SLX4IP: variants seen among roughly 807,000 people sequenced by gnomAD.
SLX4IP encodes protein SLX4IP.
In SLX4IP, 34 loss-of-function variants were observed where a neutral mutation model predicts 32.9. That is an observed-to-expected ratio of 1.03 (90% CI 0.79 to 1.38). The LOEUF (loss-of-function observed/expected upper bound fraction) is 1.38. Among genes scored for constraint, SLX4IP ranks in the 40% most tolerant of loss-of-function variants. SLX4IP has a pLI of 0.00. For synonymous variants in SLX4IP, 172 were observed against 171.7 expected, an observed-to-expected ratio of 1.00 and a Z score of -0.01; for missense variants, 444 against 479.0, an observed-to-expected ratio of 0.93 and a Z score of 0.68.
In SLX4IP at chr20:10,473,904, C is replaced by G. The variant is rs1421936771; in HGVS notation, c.27+15673C>G. On this transcript the variant is annotated intron_variant, in intron 2 of 7. Coordinates refer to ENST00000334534, the MANE Select transcript of SLX4IP (RefSeq NM_001009608.3). Reference sequence around the variant, plus strand: ...GTGGCGTGATCTTGGCTCACTGCAACCTCCGCCTCATGGGTTCAGGCGATT... The same window carrying G: ...GTGGCGTGATCTTGGCTCACTGCAAGCTCCGCCTCATGGGTTCAGGCGATT... Among the ~76,000 whole-genome samples the G allele has an allele frequency of 1.1e-4, 16 of 152,024 alleles. No homozygotes were observed. In the East Asian group the frequency reaches 2.9e-3, roughly 28 times the overall value.
intron 2 of SLX4IP, among the ~76,000 whole-genome samples, chr20:10,502,695 A>C (rs543664636): frequency 1.3e-5 from 2 of 151,598 alleles, no homozygotes; most frequent in East Asian, 3.9e-4. Flanking sequence ...CCCCCTCCCC[A>C]AAATTTTCTG....
chr20:10,496,153 AT>A (rs550074941), intron 2 of SLX4IP, among the ~76,000 whole-genome samples: 409 of 151,216 alleles, frequency 2.7e-3, no homozygotes, highest in Non-Finnish European at 3.6e-3. Context: ...AAATTATTTT[AT>A]TTTTGTAATT....
rs148703008 is a variant in SLX4IP at position 10,532,810 on chromosome 20, C to T, written c.28-23421C>T. 3.6e-4 allele frequency among the ~76,000 whole-genome samples: 55 copies of T among 150,704 alleles called. No individual in the cohort carries two copies. The East Asian group carries it at 0.011, about 29-fold the overall frequency. ...TTTTTTTTTGAAATAGAGTCTCACT[C>T]TGTCACCCGGGCTGGAGTGCAGTAG... On this transcript the variant is annotated intron_variant, in intron 2 of 7. Coordinates refer to ENST00000334534, the MANE Select transcript of SLX4IP (RefSeq NM_001009608.3).
At chr20:10,464,916 C>T (rs993089212) in intron 2 of SLX4IP, among the ~76,000 whole-genome samples, 4 of 152,170 alleles carry the variant, frequency 2.6e-5, no homozygotes, top group Admixed American at 1.3e-4. Context: ...TGGCCTCCTA[C>T]GTAGCTGGGA....
At chr20:10,582,558 A>G (rs1203692378) in intron 4 of SLX4IP, among the ~76,000 whole-genome samples, 2 of 152,124 alleles carry the variant, frequency 1.3e-5, no homozygotes, top group Admixed American at 6.6e-5. Flanking sequence ...AGTCTGCAAG[A>G]TGTGTGTGTA....
chr20:10,575,007 C>G (rs2066509726), intron 4 of SLX4IP, among the ~76,000 whole-genome samples: 1 of 151,998 alleles, frequency 6.6e-6, no homozygotes, highest in South Asian at 2.1e-4. Flanking sequence ...TTCCAGTTAG[C>G]TCAGAGCCCT....
chr20:10,542,126 G>GT (rs767925995), intron 2 of SLX4IP, among the ~76,000 whole-genome samples: 48 of 152,210 alleles, frequency 3.2e-4, no homozygotes, highest in Admixed American at 1.0e-3. Flanking sequence ...TTCCTGTGTA[G>GT]TTTTCATCAC....
chr20:10,516,720 A>G (rs541365637), intron 2 of SLX4IP, among the ~76,000 whole-genome samples: 1 of 152,228 alleles, frequency 6.6e-6, no homozygotes, highest in Admixed American at 6.5e-5. Context: ...GATTTTTTTC[A>G]GAAGGAATTT....
intron 2 of SLX4IP, among the ~76,000 whole-genome samples, chr20:10,504,587 G>T (rs2065743132): frequency 6.6e-6 from 1 of 152,160 alleles, no homozygotes; most frequent in African/African-American, 2.4e-5. Flanking sequence ...TCTGCACTTG[G>T]AGAAATGTTA....
At chr20:10,570,006 TAAGTA>T (rs2066443882) in intron 4 of SLX4IP, among the ~76,000 whole-genome samples, 2 of 152,330 alleles carry the variant, frequency 1.3e-5, no homozygotes, top group Middle Eastern at 3.4e-3. Context: ...ACATACAGTT[TAAGTA>T]GAGTCTAAGT....
At chr20:10,526,913 C>G (rs1311973490) in intron 2 of SLX4IP, among the ~76,000 whole-genome samples, 1 of 152,196 alleles carries the variant, frequency 6.6e-6, no homozygotes, top group East Asian at 1.9e-4. Context: ...GATCGCACCA[C>G]TGCATTCCAG....
chr20:10,515,106 C>T (rs1336158928), intron 2 of SLX4IP, among the ~76,000 whole-genome samples: 3 of 88,098 alleles, frequency 3.4e-5, no homozygotes, highest in Admixed American at 1.9e-4. Context: ...TTTTTTGAGA[C>T]GGAGTCTTAC....
chr20:10,499,660 G>A (rs373818445), intron 2 of SLX4IP, among the ~76,000 whole-genome samples: 15 of 152,212 alleles, frequency 9.9e-5, no homozygotes, highest in African/African-American at 3.6e-4. Flanking sequence ...AATGCTGAAA[G>A]GTATGACTAT....
chr20:10,574,815 G>A (rs1568749472), intron 4 of SLX4IP, among the ~76,000 whole-genome samples: 1 of 152,054 alleles, frequency 6.6e-6, no homozygotes, highest in African/African-American at 2.4e-5. Context: ...TGGGATTACA[G>A]GCACGTGCCA....
chr20:10,584,873 G>A (rs2066627605), intron 4 of SLX4IP, among the ~76,000 whole-genome samples: 1 of 152,156 alleles, frequency 6.6e-6, no homozygotes, highest in South Asian at 2.1e-4. Flanking sequence ...TCAAAAATGG[G>A]TAAAAGACCT....
intron 1 of SLX4IP, among the ~76,000 whole-genome samples, chr20:10,444,121 T>G (rs1433681541): frequency 6.6e-6 from 1 of 152,204 alleles, no homozygotes; most frequent in Middle Eastern, 3.2e-3. Context: ...AATAGGGGAC[T>G]TATGCTCAGA....
rs148432517 is a variant in SLX4IP at position 10,626,009 on chromosome 20, CTTTTTTTTTTTTTTTT to C, written c.*2638_*2653del. On this transcript the variant is annotated 3_prime_UTR_variant, in exon 8 of 8. Coordinates refer to ENST00000334534, the MANE Select transcript of SLX4IP (RefSeq NM_001009608.3). The stretch of plus-strand genomic sequence containing the variant: ...TGGGAATGGTATGTGTTTTGACATT[CTTTTTTTTTTTTTTTT>C]TTTTTTTGAGACAGAGTCTCGCTCT... 1.2e-5 allele frequency: 1 copy of C among 81,218 alleles called. No individual in the cohort carries two copies. Among genetic ancestry groups the C allele is most frequent in the African/African-American group, 4.5e-5 (1 of 22,086 alleles). 5.0% of individuals were successfully genotyped at this position (81,218 alleles called of 1,614,324 possible). A position where few individuals can be genotyped will look rare whatever the true frequency, so the allele number is the denominator to read the frequency against.
At chr20:10,455,084 A>G (rs564975115) in intron 1 of SLX4IP, among the ~76,000 whole-genome samples, 9 of 152,250 alleles carry the variant, frequency 5.9e-5, no homozygotes, top group Non-Finnish European at 7.4e-5. Context: ...TTATTTTTAA[A>G]TTATTTGTCC....
intron 2 of SLX4IP, among the ~76,000 whole-genome samples, chr20:10,518,404 T>TTTCC (rs1555811084): frequency 1.4e-4 from 13 of 92,480 alleles, no homozygotes; most frequent in Admixed American, 6.6e-4. Flanking sequence ...TCTTTCTTTC[T>TTTCC]TTCCTTCCTT....
Sources: allele counts gnomAD v4.1 joint callset (sites outside exome capture counted in the v4.1 genomes callset), GRCh38; gene constraint gnomAD v4.1.1; transcripts MANE v1.5; gene names NCBI Gene and HGNC (gene_info 2026-07-23, HGNC 2026-07-21).